The following DYSF variants were observed in gnomAD, a reference collection of about 807,000 sequenced individuals.
The protein encoded by DYSF is dysferlin, also known as dystrophy-associated fer-1-like 1.
Under a neutral mutation model 274.9 loss-of-function variants are expected in DYSF, and 212 were observed. The observed-to-expected ratio is 0.77, with a 90% CI of 0.69 to 0.86. The LOEUF (loss-of-function observed/expected upper bound fraction) is 0.86. Ranked by LOEUF, DYSF falls within the 40% of genes least tolerant of loss-of-function variation. DYSF has a pLI of 0.00. For missense variants in DYSF, 2,666 were observed against 2,783.2 expected, an observed-to-expected ratio of 0.96 and a Z score of 0.95; for synonymous variants, 1,091 against 1,078.7, an observed-to-expected ratio of 1.01 and a Z score of -0.22.
chr2:71,526,407 G>A, intron 13 of DYSF, 61 bp downstream of exon 13: 3 of 1,537,256 alleles, frequency 2.0e-6, no homozygotes, highest in Non-Finnish European at 2.7e-6. Flanking sequence ...AGGGCTGGTG[G>A]GGGTGGGCGA....
rs35884879 is a variant in DYSF at position 71,568,027 on chromosome 2, A to C, written c.2642A>C (p.Asp881Ala). Reference sequence around the variant, plus strand: ...AAGCTGTGGTTTGGGCTCTCAGTGGATGAGAAGGAGTTCAACCAGTTTGCT... The same window carrying C: ...AAGCTGTGGTTTGGGCTCTCAGTGGCTGAGAAGGAGTTCAACCAGTTTGCT... ...RVKLWFGLSVDEKEFNQFAEG... is the reference protein window; with the variant it reads ...RVKLWFGLSVAEKEFNQFAEG... The change falls in exon 25 of 56, where the codon GAT becomes GCT. Residue 881 changes from aspartate (D) to alanine (A), a missense_variant. This residue lies in a region of DYSF where 412 missense variants were observed against 504.0 expected (regional missense o/e 0.82). Transcript: ENST00000410020. The C allele has an allele frequency of 9.7e-4, 1,572 of 1,614,090 alleles. 12 individuals are homozygous for C. In the African/African-American group the frequency reaches 0.019, roughly 20 times the overall value.
intron 9 of DYSF, 116 bp downstream of exon 9, chr2:71,516,358 G>T: frequency 1.0e-6 from 1 of 1,003,898 alleles, no homozygotes; most frequent in Non-Finnish European, 1.6e-6. Flanking sequence ...GTGAATGCGT[G>T]AATGCGTGTG....
At position 71,551,696 on chromosome 2, in the gene DYSF, T is replaced by G. The variant is rs1573934316; in HGVS notation, c.1782T>G (p.Pro594=). The change falls in exon 19 of 56, where the codon CCT becomes CCG. Residue 594 remains proline, a synonymous_variant. Coordinates refer to ENST00000410020, the MANE Select transcript of DYSF (RefSeq NM_001130987.2). ...GTGAACAGAAGGTGGAGGACCTTCC[T>G]GCGGATGACATCCTCCGGGTGGAGG... ...EHSEQKVEDL[P]ADDILRVEKY... 2.5e-6 allele frequency: 4 copies of G among 1,609,776 alleles called. No individual in the cohort carries two copies. Among genetic ancestry groups the G allele is most frequent in the Non-Finnish European group, 3.4e-6 (4 of 1,179,066 alleles).
intron 42 of DYSF, among the ~76,000 whole-genome samples, chr2:71,654,200 A>G (rs2094723481): frequency 6.6e-6 from 1 of 152,248 alleles, no homozygotes; most frequent in Non-Finnish European, 1.5e-5. Context: ...AAAATTCAGC[A>G]TACCATCTTC....
At chr2:71,463,220 G>T (rs190350938), upstream of DYSF, among the ~76,000 whole-genome samples, 1 of 152,354 alleles carries the variant, frequency 6.6e-6, no homozygotes, top group East Asian at 1.9e-4. Flanking sequence ...CAGGGGGCTG[G>T]CATCTCAGTG....
At chr2:71,571,249 ACACACCCACAGTTCACATGCAG>A (rs1228516677) in intron 29 of DYSF, among the ~76,000 whole-genome samples, 5 of 139,972 alleles carry the variant, frequency 3.6e-5, no homozygotes, top group African/African-American at 8.1e-5. Context: ...ATCACACCCA[ACACACCCACAGTTCACATGCAG>A]CACACCCACA....
At chr2:71,567,756 G>C (rs1230018301) in intron 24 of DYSF, among the ~76,000 whole-genome samples, 195 bp from the exon 25 acceptor site, 1 of 152,124 alleles carries the variant, frequency 6.6e-6, no homozygotes, top group Admixed American at 6.5e-5. Context: ...GTGAGGGGTA[G>C]GGGGTGGGGT....
intron 45 of DYSF, among the ~76,000 whole-genome samples, chr2:71,661,133 AAAAAG>A (rs1558757422): frequency 1.3e-5 from 2 of 151,080 alleles, no homozygotes; most frequent in African/African-American, 2.4e-5. Context: ...AAAAAAAAAA[AAAAAG>A]AAAGAAAAAG....
intron 13 of DYSF, 74 bp downstream of exon 13, chr2:71,526,420 GCGGGC>G: frequency 7.5e-7 from 1 of 1,328,862 alleles, no homozygotes; most frequent in Non-Finnish European, 1.0e-6. Flanking sequence ...GTGGGCGATG[GCGGGC>G]GGGGTCAGCT....
intron 1 of DYSF, among the ~76,000 whole-genome samples, chr2:71,456,898 G>A (rs1183999854): frequency 6.6e-6 from 1 of 152,168 alleles, no homozygotes; most frequent in Admixed American, 6.5e-5. Flanking sequence ...ACTCGGACCT[G>A]AGCCAGCCAG....
In DYSF at chr2:71,499,205, C is replaced by T. The variant is rs1219023883; in HGVS notation, c.240-4009C>T. ...GCTTAATCGCCCATATAGATTCTAACTTTCCTCTTTTTTATGCAGCAAGTA... is the reference window on the plus strand; with the variant it reads ...GCTTAATCGCCCATATAGATTCTAATTTTCCTCTTTTTTATGCAGCAAGTA... On this transcript the variant is annotated intron_variant, in intron 3 of 55. Transcript: ENST00000410020. Among the ~76,000 whole-genome samples the T allele has an allele frequency of 2.6e-5, 4 of 152,286 alleles. No individual in the cohort carries two copies. In the East Asian group the frequency reaches 7.7e-4, roughly 29 times the overall value.
At chr2:71,515,526 T>G in intron 7 of DYSF, 97 bp from the exon 8 acceptor site, 167 of 1,541,970 alleles carry the variant, frequency 1.1e-4, no homozygotes, top group Non-Finnish European at 1.3e-4. Flanking sequence ...AAGCCAGTGG[T>G]GAGATGGTCC....
intron 17 of DYSF, among the ~76,000 whole-genome samples, chr2:71,550,179 G>A (rs1412745970): frequency 6.6e-6 from 1 of 152,238 alleles, no homozygotes; most frequent in African/African-American, 2.4e-5. Flanking sequence ...TGGCATTTTG[G>A]AAACAACCTC....
At chr2:71,640,678 C>T (rs888965685) in intron 41 of DYSF, among the ~76,000 whole-genome samples, 2 of 151,998 alleles carry the variant, frequency 1.3e-5, no homozygotes, top group African/African-American at 4.8e-5. Flanking sequence ...TTGACTGCTG[C>T]CATCTGTTCG....
chr2:71,517,878 G>A (rs558505268), intron 10 of DYSF, among the ~76,000 whole-genome samples: 1 of 151,996 alleles, frequency 6.6e-6, no homozygotes, highest in African/African-American at 2.4e-5. Context: ...GGGGAGGGAA[G>A]TACTTCTTCC....
intron 1 of DYSF, among the ~76,000 whole-genome samples, chr2:71,470,036 G>A (rs1315360928): frequency 6.6e-6 from 1 of 152,194 alleles, no homozygotes; most frequent in Non-Finnish European, 1.5e-5. Context: ...CTGCTTTAAA[G>A]CTGAAACATC....
chr2:71,486,035 G>A (rs2083331734), intron 3 of DYSF, among the ~76,000 whole-genome samples: 1 of 152,110 alleles, frequency 6.6e-6, no homozygotes, highest in Non-Finnish European at 1.5e-5. Flanking sequence ...CCTGCCTGTT[G>A]GGTCAGGAAG....
chr2:71,516,934 C>G, intron 9 of DYSF, 55 bp from the exon 10 acceptor site: 2 of 1,552,356 alleles, frequency 1.3e-6, no homozygotes, highest in Non-Finnish European at 1.8e-6. Flanking sequence ...ATTGGGTTGG[C>G]CGTGTGGGCC....
intron 16 of DYSF, 60 bp from the exon 17 acceptor site, chr2:71,539,097 G>T: frequency 6.7e-7 from 1 of 1,486,310 alleles, no homozygotes; most frequent in Non-Finnish European, 9.4e-7. Flanking sequence ...TACTTCCTGG[G>T]TGGGCTGTGG....
Sources: gnomAD v4.1 joint callset for allele counts (sites outside exome capture counted in the v4.1 genomes callset) on GRCh38, gnomAD v4.1.1 for gene constraint, gnomAD v4.1.1 regional missense constraint, MANE v1.5 for transcripts, NCBI Gene and HGNC (gene_info 2026-07-23, HGNC 2026-07-21) for gene names.